Variants in TMLHE observed in about 807,000 individuals in gnomAD.
The protein encoded by TMLHE is trimethyllysine dioxygenase, mitochondrial.
TMLHE carries 18 observed loss-of-function variants against 25.7 expected under a neutral mutation model. The observed-to-expected ratio is 0.70, with a 90% CI of 0.48 to 1.04. The LOEUF is 1.04. Among genes scored for constraint, TMLHE ranks in the 50% least tolerant of loss-of-function variants. The pLI, the probability that TMLHE is intolerant of heterozygous loss-of-function variation, is 0.00. For missense variants in TMLHE, 236 were observed against 259.0 expected, an observed-to-expected ratio of 0.91 and a Z score of 0.61; for synonymous variants, 105 against 97.0, an observed-to-expected ratio of 1.08 and a Z score of -0.49.
intron 1 of TMLHE, among the ~76,000 whole-genome samples, chrX:155,604,926 A>G (rs988867551): frequency 3.3e-4 from 37 of 112,153 alleles, no homozygotes; most frequent in African/African-American, 1.2e-3. Context: ...TACTCAAATC[A>G]CACCACAGTT....
intron 3 of TMLHE, among the ~76,000 whole-genome samples, chrX:155,521,992 C>G (rs2067190432): frequency 1.8e-5 from 2 of 109,064 alleles, no homozygotes; most frequent in South Asian, 8.1e-4. Context: ...CTGCGTCGCT[C>G]ACGCTGGGAG....
intron 1 of TMLHE, among the ~76,000 whole-genome samples, chrX:155,556,215 ACAAGGAACTGAATTCAGC>A (rs1281192693): frequency 4.0e-5 from 1 of 24,752 alleles, no homozygotes; most frequent in African/African-American, 8.1e-5. Flanking sequence ...TCCTATGGTT[ACAAGGAACTGAATTCAGC>A]CAACCAGAAA....
chrX:155,590,226 T>C (rs1377662536), intron 1 of TMLHE, among the ~76,000 whole-genome samples: 1 of 111,970 alleles, frequency 8.9e-6, no homozygotes, highest in Non-Finnish European at 1.9e-5. Context: ...TAAAAGACAA[T>C]TGTATAAAAC....
intron 2 of TMLHE, among the ~76,000 whole-genome samples, chrX:155,538,795 A>G (rs1460890220): frequency 9.0e-6 from 1 of 111,600 alleles, no homozygotes; most frequent in African/African-American, 3.3e-5. Context: ...CTCAGAGACT[A>G]TGCTCCTGAA....
At chrX:155,548,534 G>GTTCA (rs1569562092) in intron 1 of TMLHE, among the ~76,000 whole-genome samples, 1 of 108,812 alleles carries the variant, frequency 9.2e-6, no homozygotes, top group Non-Finnish European at 1.9e-5. Context: ...AGCAGTATGA[G>GTTCA]GCCAGCCTGA....
At chrX:155,510,475 C>T (rs1188582421) in intron 5 of TMLHE, among the ~76,000 whole-genome samples, 1 of 98,255 alleles carries the variant, frequency 1.0e-5, no homozygotes, top group South Asian at 5.2e-4. Flanking sequence ...GTTCAATTCC[C>T]ACCTATGAGT....
At chrX:155,533,958 G>A (rs2067264092) in intron 2 of TMLHE, among the ~76,000 whole-genome samples, 1 of 111,710 alleles carries the variant, frequency 9.0e-6, no homozygotes, top group African/African-American at 3.3e-5. Context: ...TATCCATATT[G>A]CAAAGAATGA....
chrX:155,504,578 T>C (rs2067065853), intron 6 of TMLHE, among the ~76,000 whole-genome samples: 1 of 110,937 alleles, frequency 9.0e-6, no homozygotes, highest in Non-Finnish European at 1.9e-5. Flanking sequence ...CATACATTGT[T>C]GATGACAGTG....
chrX:155,549,122 A>C (rs2067391703), intron 1 of TMLHE, among the ~76,000 whole-genome samples: 1 of 111,479 alleles, frequency 9.0e-6, no homozygotes, highest in African/African-American at 3.3e-5. Context: ...AAAAACAGTT[A>C]TTACTTCCAG....
At chrX:155,584,338 G>C (rs2067650943) in intron 1 of TMLHE, among the ~76,000 whole-genome samples, 1 of 110,484 alleles carries the variant, frequency 9.1e-6, no homozygotes, top group Admixed American at 9.7e-5. Flanking sequence ...GAATTAAATA[G>C]AATGAGCAAA....
In TMLHE at chrX:155,610,567, C is replaced by T. The variant is rs782250742; in HGVS notation, c.-2+2225G>A. On this transcript the variant is annotated intron_variant, in intron 1 of 7. Coordinates refer to ENST00000334398, the MANE Select transcript of TMLHE (RefSeq NM_018196.4). ...CTTTGACAATTTATTAGGGATCATA[C>T]AGAGGTCATTAGGCTGTTTGTTGTT... 3.6e-5 allele frequency among the ~76,000 whole-genome samples: 4 copies of T among 111,172 alleles called. No homozygotes were observed. The South Asian group carries it at 1.5e-3, about 43-fold the overall frequency.
intron 5 of TMLHE, among the ~76,000 whole-genome samples, chrX:155,510,708 A>C (rs1181769991): frequency 9.2e-6 from 1 of 109,138 alleles, no homozygotes; most frequent in Non-Finnish European, 1.9e-5. Flanking sequence ...CACAGTAAAC[A>C]TACGTGTGCA....
chrX:155,597,711 A>G (rs781876203), intron 1 of TMLHE, among the ~76,000 whole-genome samples: 2 of 111,277 alleles, frequency 1.8e-5, no homozygotes, highest in South Asian at 7.6e-4. Context: ...GAGCACTGAC[A>G]TGAGCTCAAA....
At chrX:155,602,352 TAACA>T (rs1174192863) in intron 1 of TMLHE, among the ~76,000 whole-genome samples, 2 of 110,833 alleles carry the variant, frequency 1.8e-5, no homozygotes, top group Non-Finnish European at 3.8e-5. Flanking sequence ...TGACAAAATC[TAACA>T]GTCATTCATG....
At chrX:155,580,638 C>T (rs1211784518) in intron 1 of TMLHE, among the ~76,000 whole-genome samples, 3 of 111,869 alleles carry the variant, frequency 2.7e-5, no homozygotes, top group Non-Finnish European at 3.8e-5. Flanking sequence ...TACAGTTCCA[C>T]GTGGCTGGGG....
intron 1 of TMLHE, among the ~76,000 whole-genome samples, chrX:155,581,057 A>C: frequency 8.9e-6 from 1 of 112,237 alleles, no homozygotes; most frequent in East Asian, 2.8e-4. Flanking sequence ...ATTTAAACAG[A>C]ACCAAAGACA....
chrX:155,522,018 G>T (rs1490119789), intron 3 of TMLHE, among the ~76,000 whole-genome samples: 1 of 110,723 alleles, frequency 9.0e-6, no homozygotes, highest in Admixed American at 9.5e-5. Context: ...CACCGGAGCT[G>T]TTCCTATTCG....
chrX:155,526,887 T>C (rs1557336527), intron 2 of TMLHE, among the ~76,000 whole-genome samples: 2 of 112,790 alleles, frequency 1.8e-5, no homozygotes, highest in South Asian at 3.6e-4. Context: ...ATTTCTCCCA[T>C]TTGGAATGGG....
intron 2 of TMLHE, among the ~76,000 whole-genome samples, chrX:155,529,480 T>C (rs2067237433): frequency 8.9e-6 from 1 of 112,188 alleles, no homozygotes; most frequent in Non-Finnish European, 1.9e-5. Flanking sequence ...GTACAAGAGT[T>C]CCTTTTTCTC....
Sources: gnomAD v4.1 joint callset for allele counts (sites outside exome capture counted in the v4.1 genomes callset) on GRCh38, gnomAD v4.1.1 for gene constraint, MANE v1.5 for transcripts, NCBI Gene and HGNC (gene_info 2026-07-23, HGNC 2026-07-21) for gene names.